DSCAM: variants seen among roughly 807,000 people sequenced by gnomAD.
The protein encoded by DSCAM is cell adhesion molecule DSCAM.
Under a neutral mutation model 217.7 loss-of-function variants are expected in DSCAM, and 47 were observed. That is an observed-to-expected ratio of 0.22 (90% CI 0.17 to 0.28). DSCAM has a LOEUF of 0.28. Among genes scored for constraint, DSCAM ranks in the 10% least tolerant of loss-of-function variants. DSCAM has a pLI of 1.00. For synonymous variants in DSCAM, 1,056 were observed against 1,015.3 expected, an observed-to-expected ratio of 1.04 and a Z score of -0.76; for missense variants, 2,080 against 2,618.3, an observed-to-expected ratio of 0.79 and a Z score of 4.49.
At chr21:40,359,622 C>A (rs2074735691) in intron 4 of DSCAM, among the ~76,000 whole-genome samples, 1 of 152,148 alleles carries the variant, frequency 6.6e-6, no homozygotes, top group Non-Finnish European at 1.5e-5. Flanking sequence ...TACAGATGAG[C>A]AAATGCTCTC....
chr21:40,500,154 G>GA (rs1233878826), intron 3 of DSCAM, among the ~76,000 whole-genome samples: 1 of 152,040 alleles, frequency 6.6e-6, no homozygotes, highest in Non-Finnish European at 1.5e-5. Flanking sequence ...GAGATTGCAG[G>GA]AAAAAAGTCT....
chr21:40,334,204 C>A (rs975736012), intron 8 of DSCAM, among the ~76,000 whole-genome samples: 1 of 152,122 alleles, frequency 6.6e-6, no homozygotes, highest in Non-Finnish European at 1.5e-5. Flanking sequence ...GTCACCAGAT[C>A]TGCAGCCTGG....
At chr21:40,783,282 C>T (rs945209053) in intron 1 of DSCAM, among the ~76,000 whole-genome samples, 1 of 152,238 alleles carries the variant, frequency 6.6e-6, no homozygotes, top group African/African-American at 2.4e-5. Flanking sequence ...GCGGGCACAG[C>T]TCTTCAGTGT....
intron 16 of DSCAM, among the ~76,000 whole-genome samples, chr21:40,154,790 T>C (rs2090459234): frequency 6.6e-6 from 1 of 152,158 alleles, no homozygotes; most frequent in African/African-American, 2.4e-5. Flanking sequence ...GCAATTTCAG[T>C]TTGAGAAATA....
At chr21:40,643,188 C>T (rs1055232768) in intron 3 of DSCAM, among the ~76,000 whole-genome samples, 3 of 152,174 alleles carry the variant, frequency 2.0e-5, no homozygotes, top group Admixed American at 6.5e-5. Flanking sequence ...CCTGTAAATA[C>T]ACAATGTTTT....
chr21:40,361,001 T>C (rs764414804), intron 4 of DSCAM, among the ~76,000 whole-genome samples: 2 of 152,174 alleles, frequency 1.3e-5, no homozygotes, highest in African/African-American at 4.8e-5. Flanking sequence ...AAGTGCATGA[T>C]TGAAGCAATG....
chr21:40,248,049 C>G (rs968142407), intron 11 of DSCAM, among the ~76,000 whole-genome samples: 21 of 152,198 alleles, frequency 1.4e-4, no homozygotes, highest in African/African-American at 5.1e-4. Context: ...CCCTTCGCCC[C>G]TTTTAGTCAT....
At chr21:40,139,582 G>GT (rs1320511981) in intron 18 of DSCAM, among the ~76,000 whole-genome samples, 1 of 152,082 alleles carries the variant, frequency 6.6e-6, no homozygotes, top group Non-Finnish European at 1.5e-5. Flanking sequence ...GCCCTGAGCA[G>GT]TTTCCAGCTT....
At chr21:40,788,669 A>T (rs936462205) in intron 1 of DSCAM, among the ~76,000 whole-genome samples, 1 of 152,226 alleles carries the variant, frequency 6.6e-6, no homozygotes, top group Non-Finnish European at 1.5e-5. Context: ...AAATTCATCC[A>T]TTTAGGCCCA....
intron 3 of DSCAM, among the ~76,000 whole-genome samples, chr21:40,566,594 G>T (rs566434549): frequency 6.6e-6 from 1 of 152,272 alleles, no homozygotes; most frequent in East Asian, 1.9e-4. Context: ...CTGAGTTTCA[G>T]ATTATTTCTA....
At chr21:40,601,984 TTATC>T (rs1158030402) in intron 3 of DSCAM, among the ~76,000 whole-genome samples, 2 of 152,080 alleles carry the variant, frequency 1.3e-5, no homozygotes, top group African/African-American at 4.8e-5. Context: ...TGTGATGTCT[TTATC>T]TGTTTTGGTT....
At position 40,406,326 on chromosome 21, in the gene DSCAM, A is replaced by G. The variant is rs546783136; in HGVS notation, c.509-37081T>C. ...TATTTATCCAAAGGAAATGATATCA[A>G]TATTTGAAGAGACAGCTACACTCCC... On this transcript the variant is annotated intron_variant, in intron 3 of 32. Coordinates refer to ENST00000400454, the MANE Select transcript of DSCAM (RefSeq NM_001389.5). 2.0e-5 allele frequency among the ~76,000 whole-genome samples: 3 copies of G among 152,350 alleles called. No homozygotes were observed. In the East Asian group the frequency reaches 5.8e-4, roughly 29 times the overall value.
intron 3 of DSCAM, among the ~76,000 whole-genome samples, chr21:40,486,462 G>T (rs1328136228): frequency 6.7e-6 from 1 of 150,234 alleles, no homozygotes; most frequent in Non-Finnish European, 1.5e-5. Context: ...AGGAAGGAAG[G>T]AAAGAAGAAA....
intron 32 of DSCAM, among the ~76,000 whole-genome samples, chr21:40,036,654 T>A (rs1471607446): frequency 6.8e-6 from 1 of 147,224 alleles, no homozygotes; most frequent in African/African-American, 2.6e-5. Context: ...GAATCCTCCC[T>A]AACTCATTTT....
At chr21:40,498,632 A>T (rs7410164) in intron 3 of DSCAM, among the ~76,000 whole-genome samples, 8,777 of 112,460 alleles carry the variant, frequency 0.078, 534 homozygotes, top group Middle Eastern at 0.13. Context: ...TGCACTATGT[A>T]TATATATATA....
chr21:40,488,012 T>C (rs1421504445), intron 3 of DSCAM, among the ~76,000 whole-genome samples: 1 of 152,236 alleles, frequency 6.6e-6, no homozygotes, highest in African/African-American at 2.4e-5. Context: ...ACACAGGCAC[T>C]GGTTCAGGAG....
chr21:40,686,944 C>G (rs1323022146), intron 3 of DSCAM, among the ~76,000 whole-genome samples: 2 of 152,080 alleles, frequency 1.3e-5, no homozygotes, highest in African/African-American at 4.8e-5. Context: ...AGAAAGAGAC[C>G]AGGGCCCTCT....
chr21:40,334,856 T>C (rs1759181110), intron 8 of DSCAM, among the ~76,000 whole-genome samples: 1 of 152,076 alleles, frequency 6.6e-6, no homozygotes, highest in Non-Finnish European at 1.5e-5. Flanking sequence ...GTGACTTTTC[T>C]GTTTAAAGTC....
intron 1 of DSCAM, among the ~76,000 whole-genome samples, chr21:40,758,678 C>T (rs559467566): frequency 2.6e-5 from 4 of 152,178 alleles, no homozygotes; most frequent in Non-Finnish European, 4.4e-5. Flanking sequence ...GTTTTGTCAT[C>T]AGCTGCTTGC....
Sources: gnomAD v4.1 joint callset for allele counts (sites outside exome capture counted in the v4.1 genomes callset) on GRCh38, gnomAD v4.1.1 for gene constraint, MANE v1.5 for transcripts, NCBI Gene and HGNC (gene_info 2026-07-23, HGNC 2026-07-21) for gene names.